The following ITK variants were observed in gnomAD, a reference collection of about 807,000 sequenced individuals.
The protein encoded by ITK is tyrosine-protein kinase ITK/TSK.
In ITK, 45 loss-of-function variants were observed where a neutral mutation model predicts 87.6. The observed-to-expected ratio is 0.51, with a 90% CI of 0.40 to 0.66. The LOEUF (loss-of-function observed/expected upper bound fraction) is 0.66. Ranked by LOEUF, ITK falls within the 30% of genes least tolerant of loss-of-function variation. The pLI is 0.00. For synonymous variants in ITK, 303 were observed against 273.6 expected (o/e 1.11, Z -1.06); for missense variants, 605 against 766.3 (o/e 0.79, Z 2.48).
chr5:157,187,019 G>A (rs1753659635), intron 1 of ITK, among the ~76,000 whole-genome samples: 1 of 152,174 alleles, frequency 6.6e-6, no homozygotes, highest in Non-Finnish European at 1.5e-5. Flanking sequence ...GTCTGTCTCA[G>A]CTCATGTCTC....
At chr5:157,210,066 C>A (rs376205623) in intron 2 of ITK, among the ~76,000 whole-genome samples, 2 of 152,044 alleles carry the variant, frequency 1.3e-5, no homozygotes, top group African/African-American at 4.8e-5. Flanking sequence ...GCTGGGACTA[C>A]GGGCGTGTGC....
Position 157,223,022 on chromosome 5 carries a change from A to G in ITK, c.647+8A>G. On this transcript the variant is annotated splice_region_variant and intron_variant, in intron 6 of 16. Coordinates refer to ENST00000422843, the MANE Select transcript of ITK (RefSeq NM_005546.4). ...AGTCCAGGACAGGAATGGGTAAGTC[A>G]TCTTTGTGGCTGCTGTCCCCGTGTT... 1 of 1,614,088 alleles carries G rather than the reference A, an allele frequency of 6.2e-7. No homozygotes were observed. The highest frequency in any genetic ancestry group is 8.5e-7 in the Non-Finnish European group (1 of 1,180,010).
intron 6 of ITK, chr5:157,224,220 G>C (rs1754484956): frequency 6.6e-6 from 1 of 151,548 alleles, no homozygotes; most frequent in East Asian, 1.9e-4. Context: ...GGAGGGAGAG[G>C]TTGCAGTGAG....
At chr5:157,219,065 A>G (rs1326546260) in intron 5 of ITK, among the ~76,000 whole-genome samples, 1 of 150,728 alleles carries the variant, frequency 6.6e-6, no homozygotes, top group Non-Finnish European at 1.5e-5. Flanking sequence ...GGTAGGGAAT[A>G]TGACCCTGAC....
At chr5:157,215,018 T>A (rs1754271068) in intron 4 of ITK, among the ~76,000 whole-genome samples, 1 of 152,194 alleles carries the variant, frequency 6.6e-6, no homozygotes, top group Admixed American at 6.5e-5. Context: ...ATTTTATTGA[T>A]GACTTTGGAA....
chr5:157,250,365 G>A (rs1029574209), intron 16 of ITK, among the ~76,000 whole-genome samples: 1 of 152,046 alleles, frequency 6.6e-6, no homozygotes, highest in African/African-American at 2.4e-5. Flanking sequence ...ATGCTTTAAG[G>A]TCCCTCCATG....
intron 8 of ITK, among the ~76,000 whole-genome samples, chr5:157,234,283 C>T (rs957516723): frequency 2.0e-5 from 3 of 151,900 alleles, no homozygotes; most frequent in African/African-American, 7.2e-5. Context: ...CGCCCAGCCT[C>T]CTTACTAATA....
At chr5:157,188,764 C>G (rs1753694909) in intron 1 of ITK, among the ~76,000 whole-genome samples, 1 of 152,198 alleles carries the variant, frequency 6.6e-6, no homozygotes, top group Admixed American at 6.5e-5. Flanking sequence ...AGTGCATCAC[C>G]ACGCCTGGCT....
At chr5:157,189,313 T>C (rs578099324) in intron 1 of ITK, among the ~76,000 whole-genome samples, 1 of 152,266 alleles carries the variant, frequency 6.6e-6, no homozygotes, top group East Asian at 1.9e-4. Flanking sequence ...GTTTCTGCAG[T>C]AGAAATAGCC....
chr5:157,208,786 T>G (rs1243237438), intron 1 of ITK, 103 bp from the exon 2 acceptor site: 1 of 844,176 alleles, frequency 1.2e-6, no homozygotes, highest in Non-Finnish European at 2.0e-6. Flanking sequence ...GGAATAGGTT[T>G]AAAAAGCCAA....
rs780591680 is a variant in ITK, at chr5:157,254,537, C to T, written c.*1859C>T. On this transcript the variant is annotated 3_prime_UTR_variant, in exon 17 of 17. Coordinates refer to ENST00000422843, the MANE Select transcript of ITK (RefSeq NM_005546.4). ...GTGTTGCAATTGGCTCTTTCTAAATCATGTGACGTTTTGACTGGCTTGAGA... is the reference window on the plus strand; with the variant it reads ...GTGTTGCAATTGGCTCTTTCTAAATTATGTGACGTTTTGACTGGCTTGAGA... 3.3e-4 allele frequency: 74 copies of T among 221,148 alleles called. No homozygotes were observed. The highest frequency in any genetic ancestry group is 5.8e-4 in the Non-Finnish European group (64 of 110,554). 13.7% of individuals were successfully genotyped at this position (221,148 alleles called of 1,614,324 possible). A position where few individuals can be genotyped will look rare whatever the true frequency, so the allele number is the denominator to read the frequency against.
chr5:157,191,457 T>G (rs998575487), intron 1 of ITK, among the ~76,000 whole-genome samples: 1 of 152,200 alleles, frequency 6.6e-6, no homozygotes, highest in Non-Finnish European at 1.5e-5. Flanking sequence ...GATCCTCATA[T>G]TGTCAAAAAA....
chr5:157,220,921 C>T (rs1433783452), intron 5 of ITK, among the ~76,000 whole-genome samples: 1 of 152,110 alleles, frequency 6.6e-6, no homozygotes, highest in Non-Finnish European at 1.5e-5. Context: ...TGCAGTGGTG[C>T]AATCATAGCT....
At chr5:157,227,398 G>A (rs1347309936) in intron 6 of ITK, among the ~76,000 whole-genome samples, 2 of 152,154 alleles carry the variant, frequency 1.3e-5, no homozygotes, top group Non-Finnish European at 2.9e-5. Flanking sequence ...GCTCAAAAGT[G>A]ACTCCTGATC....
chr5:157,193,522 TATATC>T (rs1753791361), intron 1 of ITK, among the ~76,000 whole-genome samples: 1 of 152,224 alleles, frequency 6.6e-6, no homozygotes, highest in Admixed American at 6.5e-5. Context: ...TTATATGTCT[TATATC>T]ATAAATATTC....
Position 157,249,023 on chromosome 5 carries a change from G to A in ITK, c.1791+16G>A, listed in dbSNP as rs1755079828. ...CTGGAAAGAGGTCAGTGGAGGAAGT[G>A]CTTCCCCATGCATTGTCGTATACAA... is the stretch of plus-strand genomic sequence containing the variant. On this transcript the variant is annotated intron_variant, in intron 16 of 16. Coordinates refer to ENST00000422843, the MANE Select transcript of ITK (RefSeq NM_005546.4). The A allele has an allele frequency of 1.9e-6, 3 of 1,610,760 alleles. No homozygotes were observed. In the African/African-American group the frequency reaches 4.0e-5, roughly 21 times the overall value.
intron 1 of ITK, among the ~76,000 whole-genome samples, chr5:157,182,258 T>C (rs901653514): frequency 5.3e-5 from 8 of 152,158 alleles, no homozygotes; most frequent in African/African-American, 1.9e-4. Flanking sequence ...TCCAGTTCTT[T>C]GTTGGAGTCT....
At chr5:157,186,568 C>T (rs1019169654) in intron 1 of ITK, among the ~76,000 whole-genome samples, 5 of 152,108 alleles carry the variant, frequency 3.3e-5, no homozygotes, top group Non-Finnish European at 5.9e-5. Context: ...CCCAGCTACT[C>T]GGGAGGCTGA....
At chr5:157,218,806 T>C (rs1394473384) in intron 5 of ITK, among the ~76,000 whole-genome samples, 1 of 152,220 alleles carries the variant, frequency 6.6e-6, no homozygotes, top group Non-Finnish European at 1.5e-5. Context: ...CAAAGTATAG[T>C]CCATGGACCA....
Sources: gnomAD v4.1 joint callset for allele counts (sites outside exome capture counted in the v4.1 genomes callset) on GRCh38, gnomAD v4.1.1 for gene constraint, MANE v1.5 for transcripts, NCBI Gene and HGNC (gene_info 2026-07-23, HGNC 2026-07-21) for gene names.